The following CA8 variants were observed in gnomAD, a reference collection of about 807,000 sequenced individuals.
CA8 encodes the protein carbonic anhydrase-related protein.
Under a neutral mutation model 41.4 loss-of-function variants are expected in CA8, and 22 were observed. The ratio of observed to expected loss-of-function variants is 0.53; its 90% confidence interval spans 0.38 to 0.76. The LOEUF (loss-of-function observed/expected upper bound fraction) is 0.76, where lower values mean the gene tolerates loss of function less well. Among genes scored for constraint, CA8 ranks in the 30% least tolerant of loss-of-function variants. CA8 has a pLI of 0.00. For missense variants in CA8, 270 were observed against 352.8 expected (o/e 0.77, Z 1.88); for synonymous variants, 121 against 130.6 (o/e 0.93, Z 0.50).
chr8:60,237,564 G>C (rs1452138839), intron 3 of CA8, among the ~76,000 whole-genome samples: 1 of 152,228 alleles, frequency 6.6e-6, no homozygotes, highest in Non-Finnish European at 1.5e-5. Context: ...CTCCAGGCAG[G>C]ACCCTGCCCC....
intron 3 of CA8, among the ~76,000 whole-genome samples, chr8:60,243,692 C>T (rs1808123082): frequency 6.6e-6 from 1 of 152,116 alleles, no homozygotes; most frequent in African/African-American, 2.4e-5. Flanking sequence ...CCTGGGAGAC[C>T]AGATCACCTG....
chr8:60,195,389 A>C (rs7460476), intron 8 of CA8, among the ~76,000 whole-genome samples: 1 of 152,120 alleles, frequency 6.6e-6, no homozygotes, highest in African/African-American at 2.4e-5. Context: ...TAAAAATCAC[A>C]TGTTCACACA....
chr8:60,255,720 T>C (rs938915042), intron 3 of CA8, among the ~76,000 whole-genome samples: 3 of 152,204 alleles, frequency 2.0e-5, no homozygotes, highest in African/African-American at 7.2e-5. Flanking sequence ...GTTCTTCTAT[T>C]CATTTCAGGT....
intron 2 of CA8, among the ~76,000 whole-genome samples, chr8:60,272,250 A>G (rs80092942): frequency 0.024 from 3,623 of 152,100 alleles, 123 homozygotes; most frequent in African/African-American, 0.081. Context: ...TTTTCCACTG[A>G]CACTGCAATG....
chr8:60,214,295 G>A (rs1165495332), intron 7 of CA8, among the ~76,000 whole-genome samples: 2 of 152,202 alleles, frequency 1.3e-5, no homozygotes, highest in African/African-American at 4.8e-5. Context: ...AAAATGCTGT[G>A]TGAAGCCTCT....
In CA8 at chr8:60,189,161, A is replaced by C. The variant is rs1806043760; in HGVS notation, c.*860T>G. ...CTTAACATACCAAAGTAGTGGAATC[A>C]ATAGAATAAAATATTTAAGTCTTAC... On this transcript the variant is annotated 3_prime_UTR_variant, in exon 9 of 9. Transcript: ENST00000317995. The C allele has an allele frequency of 6.6e-6, 1 of 152,164 alleles. No homozygotes were observed. Among genetic ancestry groups the C allele is most frequent in the Non-Finnish European group, 1.5e-5 (1 of 68,010 alleles). The allele number at this position is 152,164 out of a possible 1,614,324, so 9.4% of individuals were successfully genotyped here. A position where few individuals can be genotyped will look rare whatever the true frequency, so the allele number is the denominator to read the frequency against.
In CA8 at chr8:60,187,898, A is replaced by G. The variant is rs1270569708; in HGVS notation, c.*2123T>C. The G allele has an allele frequency of 6.6e-6, 1 of 152,140 alleles. No individual in the cohort carries two copies. The highest frequency in any genetic ancestry group is 2.4e-5 in the African/African-American group (1 of 41,432). The allele number at this position is 152,140 out of a possible 1,614,324, so 9.4% of individuals were successfully genotyped here. On this transcript the variant is annotated 3_prime_UTR_variant, in exon 9 of 9. Coordinates refer to ENST00000317995, the MANE Select transcript of CA8 (RefSeq NM_004056.6). ...TAGGTTTTACTTTCTTTCCTATCAC[A>G]CCATCAAAACAGATTTGAGATTAGT...
intron 3 of CA8, among the ~76,000 whole-genome samples, chr8:60,239,659 T>G (rs962963161): frequency 1.5e-4 from 23 of 152,328 alleles, no homozygotes; most frequent in South Asian, 1.2e-3. Context: ...CATGGATTGA[T>G]ACGGTTTGGC....
intron 4 of CA8, among the ~76,000 whole-genome samples, chr8:60,228,742 T>C (rs1380757816): frequency 6.6e-6 from 1 of 152,236 alleles, no homozygotes; most frequent in Non-Finnish European, 1.5e-5. Flanking sequence ...ATGTCCATTA[T>C]TATTCTTAAT....
chr8:60,244,902 T>C (rs1422482950), intron 3 of CA8, among the ~76,000 whole-genome samples: 2 of 152,252 alleles, frequency 1.3e-5, no homozygotes, highest in East Asian at 3.9e-4. Flanking sequence ...AGGGGTACAG[T>C]GTATAGGGAT....
intron 7 of CA8, among the ~76,000 whole-genome samples, chr8:60,221,936 G>A (rs1391171623): frequency 6.6e-6 from 1 of 152,140 alleles, no homozygotes. Context: ...GGCCTTTTGA[G>A]GTTGATCATG....
At chr8:60,247,291 C>T (rs1034237650) in intron 3 of CA8, among the ~76,000 whole-genome samples, 3 of 146,978 alleles carry the variant, frequency 2.0e-5, no homozygotes, top group South Asian at 2.1e-4. Flanking sequence ...ATACATATGC[C>T]GGATTGTTAC....
intron 3 of CA8, among the ~76,000 whole-genome samples, chr8:60,261,629 C>T (rs1198458181): frequency 6.6e-6 from 1 of 152,212 alleles, no homozygotes; most frequent in Non-Finnish European, 1.5e-5. Context: ...TTTGAGATCA[C>T]ATCCTTCCTA....
At chr8:60,236,406 TTCTTTCTCCCTCTGTTTCTCTC>T (rs1807831845) in intron 3 of CA8, among the ~76,000 whole-genome samples, 2 of 152,202 alleles carry the variant, frequency 1.3e-5, no homozygotes, top group South Asian at 4.1e-4. Flanking sequence ...TCCCAATCTC[TTCTTTCTCCCTCTGTTTCTCTC>T]TCTTTCTCCC....
At chr8:60,281,002 T>G in intron 1 of CA8, 46 bp downstream of exon 1, 1 of 1,441,438 alleles carries the variant, frequency 6.9e-7, no homozygotes, top group Non-Finnish European at 9.7e-7. Flanking sequence ...GGCGAGACAC[T>G]GACGCCGCCG....
At chr8:60,253,172 C>T (rs1017258480) in intron 3 of CA8, among the ~76,000 whole-genome samples, 2 of 152,244 alleles carry the variant, frequency 1.3e-5, no homozygotes, top group African/African-American at 4.8e-5. Flanking sequence ...CAGGTGGAGG[C>T]TGCAGTGAGC....
intron 3 of CA8, among the ~76,000 whole-genome samples, chr8:60,249,418 C>T (rs760928852): frequency 6.6e-6 from 1 of 152,060 alleles, no homozygotes; most frequent in Non-Finnish European, 1.5e-5. Context: ...TGCACTCATA[C>T]GATGGAGAAA....
Position 60,281,130 on chromosome 8 carries a change from G to T in CA8, c.18C>A (p.Phe6Leu). The part of the protein sequence containing the change: MADLS[F>L]IEDTVAFPEK... ...CGGGGAAGGCGACGGTATCTTCGATGAAGCTCAGGTCCGCCATGGGAAGGC... is the reference window on the plus strand; with the variant it reads ...CGGGGAAGGCGACGGTATCTTCGATTAAGCTCAGGTCCGCCATGGGAAGGC... The change falls in exon 1 of 9, where the codon TTC becomes TTA. Residue 6 changes from phenylalanine to leucine, a missense_variant. Phe to Leu is a conservative substitution (Grantham distance 22). Around this residue, in one of 3 missense-constraint regions of CA8, gnomAD observed 123 missense variants for 136.8 expected, o/e 0.90. Coordinates refer to ENST00000317995, the MANE Select transcript of CA8 (RefSeq NM_004056.6). The T allele has an allele frequency of 6.3e-7, 1 of 1,581,122 alleles. No homozygotes were observed.
chr8:60,230,547 C>A (rs914890347), intron 4 of CA8, among the ~76,000 whole-genome samples: 3 of 151,936 alleles, frequency 2.0e-5, no homozygotes, highest in Non-Finnish European at 4.4e-5. Flanking sequence ...GCCTGAGGAC[C>A]CGACCCCCCC....
Sources: gnomAD v4.1 joint callset for allele counts (sites outside exome capture counted in the v4.1 genomes callset) on GRCh38, gnomAD v4.1.1 for gene constraint, gnomAD v4.1.1 regional missense constraint, MANE v1.5 for transcripts, NCBI Gene and HGNC (gene_info 2026-07-23, HGNC 2026-07-21) for gene names.